The following ZFYVE9 variants were observed in gnomAD, a reference collection of about 807,000 sequenced individuals.
ZFYVE9 encodes zinc finger FYVE domain-containing protein 9.
A neutral mutation model predicts 126.7 loss-of-function variants in ZFYVE9; 43 were observed. That is an observed-to-expected ratio of 0.34 (90% CI 0.27 to 0.44). ZFYVE9 has a LOEUF of 0.44. ZFYVE9 is among the 20% of genes least tolerant of loss of function. The pLI, the probability that ZFYVE9 is intolerant of heterozygous loss-of-function variation, is 1.00. For missense variants in ZFYVE9, 1,476 were observed against 1,697.0 expected (o/e 0.87, Z 2.29); for synonymous variants, 521 against 597.4 (o/e 0.87, Z 1.87).
chr1:52,251,523 A>G (rs985287776), intron 4 of ZFYVE9, among the ~76,000 whole-genome samples: 2 of 152,064 alleles, frequency 1.3e-5, no homozygotes, highest in African/African-American at 4.8e-5. Context: ...TCATAAGTTG[A>G]ATTATCCTTG....
At chr1:52,294,128 A>G (rs1196010435) in intron 11 of ZFYVE9, among the ~76,000 whole-genome samples, 1 of 152,256 alleles carries the variant, frequency 6.6e-6, no homozygotes, top group Non-Finnish European at 1.5e-5. Context: ...TGGCTTTAGC[A>G]GCGTAACTAA....
In ZFYVE9 at chr1:52,345,975, C is replaced by G. The variant is rs1646480226; in HGVS notation, c.4117-85C>G. 4 of 1,396,606 alleles carry G rather than the reference C, an allele frequency of 2.9e-6. No homozygotes were observed. In the South Asian group the frequency reaches 7.1e-5, roughly 25 times the overall value. The allele number at this position is 1,396,606 out of a possible 1,614,324, so 86.5% of individuals were successfully genotyped here. The stretch of plus-strand genomic sequence containing the variant: ...AGCCTATGGCCAAAAAGGACATCTC[C>G]TTTCCTGCTCAGCCTCCTTGCCCTC... On this transcript the variant is annotated intron_variant, in intron 18 of 18. Coordinates refer to ENST00000287727, the MANE Select transcript of ZFYVE9 (RefSeq NM_004799.4).
At chr1:52,204,109 T>C (rs993282580) in intron 1 of ZFYVE9, among the ~76,000 whole-genome samples, 1 of 152,024 alleles carries the variant, frequency 6.6e-6, no homozygotes, top group East Asian at 1.9e-4. Flanking sequence ...CCTTATGCCT[T>C]GTAATCTTTT....
chr1:52,228,591 G>C (rs1477747351), intron 2 of ZFYVE9, among the ~76,000 whole-genome samples: 2 of 152,150 alleles, frequency 1.3e-5, no homozygotes, highest in African/African-American at 2.4e-5. Flanking sequence ...TCATTTAAAA[G>C]TTAGTTGCAG....
chr1:52,250,195 C>G (rs1645430459), intron 4 of ZFYVE9, among the ~76,000 whole-genome samples: 1 of 152,192 alleles, frequency 6.6e-6, no homozygotes, highest in Non-Finnish European at 1.5e-5. Context: ...CTGTAGATCA[C>G]TATGGGCATT....
chr1:52,336,743 T>C (rs936028405), intron 15 of ZFYVE9, among the ~76,000 whole-genome samples: 4 of 152,068 alleles, frequency 2.6e-5, no homozygotes, highest in Non-Finnish European at 4.4e-5. Context: ...TAGTTGAAAT[T>C]GTGACTTCAC....
chr1:52,173,611 G>A (rs1301925468), intron 1 of ZFYVE9, among the ~76,000 whole-genome samples: 5 of 152,062 alleles, frequency 3.3e-5, no homozygotes, highest in Admixed American at 6.6e-5. Flanking sequence ...GGTAGAATTC[G>A]GCTGTGAATC....
At chr1:52,220,255 TC>T (rs1645111340) in intron 2 of ZFYVE9, among the ~76,000 whole-genome samples, 1 of 152,194 alleles carries the variant, frequency 6.6e-6, no homozygotes, top group South Asian at 2.1e-4. Context: ...CCCATTTTAT[TC>T]CTAGTGCTTG....
chr1:52,231,998 T>G (rs1361586343), intron 2 of ZFYVE9, among the ~76,000 whole-genome samples: 1 of 152,188 alleles, frequency 6.6e-6, no homozygotes, highest in East Asian at 1.9e-4. Flanking sequence ...GGAAATATCA[T>G]TGACACTTAT....
At chr1:52,188,801 A>G (rs1472704902) in intron 1 of ZFYVE9, among the ~76,000 whole-genome samples, 2 of 151,900 alleles carry the variant, frequency 1.3e-5, no homozygotes, top group Non-Finnish European at 2.9e-5. Flanking sequence ...CTTTTTTTTT[A>G]TGTTTTTAAG....
intron 2 of ZFYVE9, among the ~76,000 whole-genome samples, chr1:52,217,072 A>G (rs922336321): frequency 2.0e-5 from 3 of 152,210 alleles, no homozygotes; most frequent in Non-Finnish European, 4.4e-5. Context: ...ACTTAGACAG[A>G]AATTTTCTCA....
At chr1:52,309,825 G>A (rs980551854) in intron 13 of ZFYVE9, among the ~76,000 whole-genome samples, 5 of 152,094 alleles carry the variant, frequency 3.3e-5, no homozygotes, top group African/African-American at 1.2e-4. Flanking sequence ...GAGGGACTAA[G>A]GAAAGACTTT....
intron 13 of ZFYVE9, among the ~76,000 whole-genome samples, chr1:52,321,096 C>T (rs1255914014): frequency 6.6e-6 from 1 of 152,112 alleles, no homozygotes; most frequent in East Asian, 1.9e-4. Context: ...TACAATTCTC[C>T]ATCTTGTATA....
At chr1:52,172,821 A>G (rs1644586512) in intron 1 of ZFYVE9, among the ~76,000 whole-genome samples, 2 of 151,702 alleles carry the variant, frequency 1.3e-5, no homozygotes, top group Non-Finnish European at 1.5e-5. Flanking sequence ...TTGGTGTATA[A>G]GAATGCTTGT....
At chr1:52,298,373 C>A (rs1258440833) in intron 12 of ZFYVE9, among the ~76,000 whole-genome samples, 1 of 152,070 alleles carries the variant, frequency 6.6e-6, no homozygotes, top group Non-Finnish European at 1.5e-5. Context: ...GTGGATATAT[C>A]CACTTTTCCA....
chr1:52,341,560 C>G (rs1646437874), intron 17 of ZFYVE9, among the ~76,000 whole-genome samples: 1 of 152,158 alleles, frequency 6.6e-6, no homozygotes, highest in South Asian at 2.1e-4. Context: ...TACTTTTGAA[C>G]CTCATGTATG....
chr1:52,143,059 A>G (rs879034180), intron 1 of ZFYVE9, among the ~76,000 whole-genome samples: 47 of 152,178 alleles, frequency 3.1e-4, no homozygotes, highest in African/African-American at 1.1e-3. Flanking sequence ...AGAAAGCCCC[A>G]TCGCATCTTT....
At position 52,319,547 on chromosome 1, in the gene ZFYVE9, A is replaced by G. The variant is rs531615686; in HGVS notation, c.3439-13221A>G. 2.6e-3 allele frequency among the ~76,000 whole-genome samples: 392 copies of G among 151,580 alleles called. 3 individuals are homozygous for G. Among genetic ancestry groups the G allele is most frequent in the Non-Finnish European group, 3.4e-3 (231 of 67,844 alleles). On this transcript the variant is annotated intron_variant, in intron 13 of 18. Coordinates refer to ENST00000287727, the MANE Select transcript of ZFYVE9 (RefSeq NM_004799.4). ...GTTGAGGCAGGAGAATCACTTGAAC[A>G]CGGGAGGTGGAGGTTACAGTGAGCC... is the stretch of plus-strand genomic sequence containing the variant.
At chr1:52,246,763 A>T (rs1645389778) in intron 4 of ZFYVE9, among the ~76,000 whole-genome samples, 2 of 145,146 alleles carry the variant, frequency 1.4e-5, no homozygotes. Flanking sequence ...GCTGGAGTGC[A>T]GTAGCAAGAT....
Sources: gnomAD v4.1 joint callset for allele counts (sites outside exome capture counted in the v4.1 genomes callset) on GRCh38, gnomAD v4.1.1 for gene constraint, MANE v1.5 for transcripts, NCBI Gene and HGNC (gene_info 2026-07-23, HGNC 2026-07-21) for gene names.